Variants in LSAMP observed in about 807,000 individuals in gnomAD.
LSAMP encodes limbic system-associated membrane protein.
Under a neutral mutation model 38.6 loss-of-function variants are expected in LSAMP, and 7 were observed. The observed-to-expected ratio is 0.18, with a 90% CI of 0.10 to 0.34. LSAMP has a LOEUF of 0.34. Among genes scored for constraint, LSAMP ranks in the 10% least tolerant of loss-of-function variants. LSAMP has a pLI of 1.00. For missense variants in LSAMP, 313 were observed against 420.0 expected (o/e 0.75, Z 2.23); for synonymous variants, 154 against 166.8 (o/e 0.92, Z 0.59).
intron 1 of LSAMP, among the ~76,000 whole-genome samples, chr3:116,108,091 G>A (rs1373571662): frequency 6.6e-6 from 1 of 152,076 alleles, no homozygotes; most frequent in Non-Finnish European, 1.5e-5. Flanking sequence ...GGGTGATTAG[G>A]TTTTAATGAG....
intron 1 of LSAMP, among the ~76,000 whole-genome samples, chr3:116,227,003 G>C (rs1056695290): frequency 1.3e-5 from 2 of 152,124 alleles, no homozygotes; most frequent in African/African-American, 4.8e-5. Context: ...TGACATCCAA[G>C]GAATTGAAGG....
chr3:116,268,070 A>G (rs775591103), intron 1 of LSAMP, among the ~76,000 whole-genome samples: 8 of 152,148 alleles, frequency 5.3e-5, no homozygotes, highest in Non-Finnish European at 1.2e-4. Flanking sequence ...GCTATTTTAC[A>G]TTAAAGAAAA....
At chr3:115,924,264 C>T (rs1937449018) in intron 3 of LSAMP, among the ~76,000 whole-genome samples, 2 of 152,068 alleles carry the variant, frequency 1.3e-5, no homozygotes, top group Admixed American at 6.6e-5. Context: ...TACCTTAGGC[C>T]TCTTCCATTG....
intron 3 of LSAMP, among the ~76,000 whole-genome samples, chr3:115,953,479 A>T (rs983482628): frequency 4.0e-5 from 6 of 151,246 alleles, no homozygotes; most frequent in Non-Finnish European, 7.4e-5. Context: ...TTCCTTGTAG[A>T]TCAGCAATTT....
intron 3 of LSAMP, among the ~76,000 whole-genome samples, chr3:115,885,290 T>C (rs1936423567): frequency 6.6e-6 from 1 of 151,956 alleles, no homozygotes; most frequent in South Asian, 2.1e-4. Flanking sequence ...ACAGAAGCTA[T>C]TTTGTGTTAA....
chr3:115,900,987 T>A (rs537475809), intron 3 of LSAMP, among the ~76,000 whole-genome samples: 11 of 152,286 alleles, frequency 7.2e-5, no homozygotes, highest in African/African-American at 2.4e-4. Flanking sequence ...AAAAACAAGT[T>A]TCATTTCCTC....
intron 2 of LSAMP, among the ~76,000 whole-genome samples, chr3:116,083,090 G>C (rs1340905453): frequency 6.6e-6 from 1 of 152,090 alleles, no homozygotes; most frequent in Non-Finnish European, 1.5e-5. Flanking sequence ...TTAAGGAAAA[G>C]GACAGCTGAA....
chr3:116,390,130 T>TACACACACACACAC (rs749911876), intron 1 of LSAMP, among the ~76,000 whole-genome samples: 34 of 131,634 alleles, frequency 2.6e-4, no homozygotes, highest in Non-Finnish European at 4.4e-4. Context: ...TGTATGTATG[T>TACACACACACACAC]ATACACACAC....
chr3:116,297,961 A>G (rs948739212), intron 1 of LSAMP, among the ~76,000 whole-genome samples: 4 of 152,166 alleles, frequency 2.6e-5, no homozygotes, highest in Non-Finnish European at 5.9e-5. Flanking sequence ...TAGTCATACC[A>G]GCTTTCCTGC....
intron 3 of LSAMP, among the ~76,000 whole-genome samples, chr3:115,988,454 T>C (rs1377193261): frequency 1.3e-5 from 2 of 152,058 alleles, no homozygotes; most frequent in Non-Finnish European, 2.9e-5. Context: ...AAGTGTTTTT[T>C]GTTTGTTTGT....
chr3:116,294,165 G>T (rs376018641), intron 1 of LSAMP, among the ~76,000 whole-genome samples: 23 of 152,198 alleles, frequency 1.5e-4, no homozygotes, highest in Non-Finnish European at 2.9e-4. Flanking sequence ...AGACCCATAG[G>T]TAGCTGGGGT....
chr3:115,857,438 T>C (rs1417094188), intron 3 of LSAMP, among the ~76,000 whole-genome samples: 1 of 152,208 alleles, frequency 6.6e-6, no homozygotes, highest in East Asian at 1.9e-4. Context: ...ACAAAACCTA[T>C]GGTTTAAGTT....
At chr3:115,976,556 A>G (rs1052604335) in intron 3 of LSAMP, among the ~76,000 whole-genome samples, 6 of 152,210 alleles carry the variant, frequency 3.9e-5, no homozygotes, top group African/African-American at 1.4e-4. Flanking sequence ...GGAGACAAAT[A>G]GTACAGTATT....
intron 2 of LSAMP, among the ~76,000 whole-genome samples, chr3:116,061,363 G>A (rs1014625618): frequency 7.9e-5 from 12 of 152,102 alleles, no homozygotes; most frequent in African/African-American, 2.9e-4. Context: ...AGCTGCTTAG[G>A]TTCTTTCTCC....
At chr3:115,918,517 C>T (rs906816576) in intron 3 of LSAMP, among the ~76,000 whole-genome samples, 3 of 152,284 alleles carry the variant, frequency 2.0e-5, no homozygotes, top group East Asian at 3.9e-4. Context: ...CTGTTACCTA[C>T]ATCAGTCTCT....
chr3:116,406,929 A>G (rs2048905176), intron 1 of LSAMP, among the ~76,000 whole-genome samples: 1 of 152,050 alleles, frequency 6.6e-6, no homozygotes, highest in Non-Finnish European at 1.5e-5. Context: ...TATGGCAAGA[A>G]GAGAATGGAA....
chr3:116,229,029 C>CA (rs2046371270), intron 1 of LSAMP, among the ~76,000 whole-genome samples: 1 of 152,042 alleles, frequency 6.6e-6, no homozygotes, highest in South Asian at 2.1e-4. Context: ...TCACATTTCT[C>CA]AAAAATTGGA....
chr3:116,162,765 TTA>T (rs1491316993), intron 1 of LSAMP, among the ~76,000 whole-genome samples: 3 of 44,078 alleles, frequency 6.8e-5, no homozygotes, highest in Admixed American at 3.5e-4. Flanking sequence ...ATACACACAC[TTA>T]TACACACACA....
chr3:115,912,974 T>A (rs1407183034), intron 3 of LSAMP, among the ~76,000 whole-genome samples: 2 of 152,196 alleles, frequency 1.3e-5, no homozygotes, highest in African/African-American at 4.8e-5. Flanking sequence ...ATATGGAATA[T>A]TCAGGGGTTT....
Sources: gnomAD v4.1 joint callset for allele counts (sites outside exome capture counted in the v4.1 genomes callset) on GRCh38, gnomAD v4.1.1 for gene constraint, MANE v1.5 for transcripts, NCBI Gene and HGNC (gene_info 2026-07-23, HGNC 2026-07-21) for gene names.